The following PSME4 variants were observed in gnomAD, a reference collection of about 807,000 sequenced individuals.
The protein encoded by PSME4 is proteasome activator subunit 4.
In PSME4, 89 loss-of-function variants were observed where a neutral mutation model predicts 253.9. That is an observed-to-expected ratio of 0.35 (90% CI 0.30 to 0.42). The LOEUF is 0.42. Among genes scored for constraint, PSME4 ranks in the 10% least tolerant of loss-of-function variants. The pLI, the probability that PSME4 is intolerant of heterozygous loss-of-function variation, is 1.00. For missense variants in PSME4, 2,014 were observed against 2,195.2 expected, an observed-to-expected ratio of 0.92 and a Z score of 1.65; for synonymous variants, 851 against 759.2, an observed-to-expected ratio of 1.12 and a Z score of -1.99.
At chr2:53,887,163 T>A in intron 40 of PSME4, 96 bp downstream of exon 40, 1 of 1,104,632 alleles carries the variant, frequency 9.1e-7, no homozygotes, top group Non-Finnish European at 1.3e-6. Flanking sequence ...TTTCATTATG[T>A]CTATTTTACC....
chr2:53,873,238 C>CAAAAAAAAAAAAAAAAAAAAAA (rs60203960), intron 43 of PSME4, among the ~76,000 whole-genome samples: 9 of 123,160 alleles, frequency 7.3e-5, no homozygotes, highest in Non-Finnish European at 1.2e-4. Context: ...GACTCCGTCT[C>CAAAAAAAAAAAAAAAAAAAAAA]AAAAAAAAAG....
intron 3 of PSME4, among the ~76,000 whole-genome samples, chr2:53,945,219 T>C (rs1034697511): frequency 1.3e-5 from 2 of 152,252 alleles, no homozygotes; most frequent in African/African-American, 2.4e-5. Context: ...TTGCCTATAC[T>C]ATAACTTGCA....
At chr2:53,883,715 AC>A (rs1462770600) in intron 41 of PSME4, among the ~76,000 whole-genome samples, 2 of 150,336 alleles carry the variant, frequency 1.3e-5, no homozygotes. Flanking sequence ...CATCACCCTA[AC>A]CTGTGAATGT....
At chr2:53,893,043 C>A in intron 35 of PSME4, 83 bp from the exon 36 acceptor site, 1 of 1,318,472 alleles carries the variant, frequency 7.6e-7, no homozygotes, top group Non-Finnish European at 1.0e-6. Flanking sequence ...CTGTACATTA[C>A]TAACGTGCTT....
At position 53,896,815 on chromosome 2, in the gene PSME4, G is replaced by A. The variant is rs774206836; in HGVS notation, c.3677C>T (p.Pro1226Leu). 4.2e-5 allele frequency: 68 copies of A among 1,604,734 alleles called. No homozygotes were observed. Among genetic ancestry groups the A allele is most frequent in the Non-Finnish European group, 5.6e-5 (66 of 1,171,714 alleles). The stretch of plus-strand genomic sequence containing the variant: ...CTGGTAGTACTCACTGATTTCACAG[G>A]GGTTAATGGTCAGCTTTTTGTGGGT... The part of the protein sequence containing the change: ...KRTHKKLTIN[P>L]CEISGCPKPT... Residue 1226 changes from proline to leucine, a missense_variant, in exon 32 of 47, where the codon CCC (proline) becomes CTC (leucine). Around this residue, in one of 4 missense-constraint regions of PSME4, gnomAD observed 989 missense variants for 1,021.1 expected, o/e 0.97. Transcript: ENST00000404125.
chr2:53,886,327 T>G (rs1374182937), intron 40 of PSME4, among the ~76,000 whole-genome samples: 1 of 152,220 alleles, frequency 6.6e-6, no homozygotes, highest in Non-Finnish European at 1.5e-5. Flanking sequence ...GAGGATCTCT[T>G]GAGCCCCGGA....
At chr2:53,940,354 C>G (rs1669335439) in intron 3 of PSME4, among the ~76,000 whole-genome samples, 1 of 152,076 alleles carries the variant, frequency 6.6e-6, no homozygotes, top group African/African-American at 2.4e-5. Flanking sequence ...TACTAAAATA[C>G]TTTTACATCA....
chr2:53,950,237 G>A (rs1300094175), intron 1 of PSME4, among the ~76,000 whole-genome samples: 1 of 151,354 alleles, frequency 6.6e-6, no homozygotes, highest in Non-Finnish European at 1.5e-5. Flanking sequence ...CTGGGATGGC[G>A]CCACTATGCT....
At chr2:53,954,053 G>A (rs893153228) in intron 1 of PSME4, among the ~76,000 whole-genome samples, 1 of 151,446 alleles carries the variant, frequency 6.6e-6, no homozygotes, top group Non-Finnish European at 1.5e-5. Flanking sequence ...GGGCTGGCCG[G>A]GCGCGGTGGC....
intron 40 of PSME4, among the ~76,000 whole-genome samples, chr2:53,887,050 T>C (rs1256833221): frequency 6.6e-6 from 1 of 152,166 alleles, no homozygotes; most frequent in Non-Finnish European, 1.5e-5. Context: ...TTTCGTATGA[T>C]GAAGAGGATT....
At chr2:53,967,444 C>T (rs1670789986) in intron 1 of PSME4, among the ~76,000 whole-genome samples, 1 of 151,608 alleles carries the variant, frequency 6.6e-6, no homozygotes, top group Non-Finnish European at 1.5e-5. Context: ...GGGTTCGAGA[C>T]CAGCCTTGCC....
Position 53,896,856 on chromosome 2 carries a change from A to C in PSME4, c.3636T>G (p.Leu1212=), listed in dbSNP as rs1680160108. ...KMAISAVAGI[L]KQLKRTHKKL... is the part of the protein sequence containing the mutation. ...TTTTGTGGGTTCTTTTTAGCTGTTT[A>C]AGGATACCAGCAACAGCTGAGATAG... Residue 1212 remains leucine, a synonymous_variant, in exon 32 of 47, where the codon CTT becomes CTG. Coordinates refer to ENST00000404125, the MANE Select transcript of PSME4 (RefSeq NM_014614.3). The C allele has an allele frequency of 6.2e-7, 1 of 1,612,620 alleles. No individual in the cohort carries two copies. Among genetic ancestry groups the C allele is most frequent in the Non-Finnish European group, 8.5e-7 (1 of 1,178,684 alleles).
chr2:53,970,595 G>A lies in PSME4; in HGVS notation c.190C>T (p.Gln64Ter). ...QIKCNLGRAVQLQELWPGGLF... is the reference protein window; with the variant it reads ...QIKCNLGRAV ...CCCCCGGGCCACAGCTCTTGGAGCTGCACGGCCCGGCCCAGGTTGCATTTG... is the reference window on the plus strand; with the variant it reads ...CCCCCGGGCCACAGCTCTTGGAGCTACACGGCCCGGCCCAGGTTGCATTTG... The change falls in exon 1 of 47, where the codon CAG (glutamine) becomes TAG (stop). Residue 64 changes from glutamine (Q) to a stop codon, truncating the protein, a stop_gained. Coordinates refer to ENST00000404125, the MANE Select transcript of PSME4 (RefSeq NM_014614.3). LOFTEE classifies it high-confidence loss of function. The A allele has an allele frequency of 7.7e-6, 12 of 1,549,180 alleles. No homozygotes were observed. The highest frequency in any genetic ancestry group is 1.0e-5 in the Non-Finnish European group (12 of 1,146,864).
intron 26 of PSME4, among the ~76,000 whole-genome samples, chr2:53,906,390 T>C (rs927013128): frequency 2.0e-5 from 3 of 152,246 alleles, no homozygotes; most frequent in Admixed American, 1.3e-4. Flanking sequence ...CTGTTTTCTA[T>C]GCTAACATGA....
chr2:53,962,019 A>G (rs1468780625), intron 1 of PSME4, among the ~76,000 whole-genome samples: 12 of 152,232 alleles, frequency 7.9e-5, no homozygotes, highest in Non-Finnish European at 1.3e-4. Context: ...GCTGAGAAAG[A>G]TAAAAACACC....
chr2:53,960,862 C>T (rs746268722), intron 1 of PSME4, among the ~76,000 whole-genome samples: 40 of 152,208 alleles, frequency 2.6e-4, no homozygotes, highest in Non-Finnish European at 4.1e-4. Flanking sequence ...AATCCCAGCA[C>T]TCTGGGAGGC....
rs78288541 is a variant in PSME4, at chr2:53,873,249, A to G, written c.5100+1090T>C. 4.7e-4 allele frequency among the ~76,000 whole-genome samples: 67 copies of G among 141,586 alleles called. 1 individual carries two copies. The highest frequency in any genetic ancestry group is 1.5e-3 in the African/African-American group (61 of 39,576). The allele number at this position is 141,586 out of a possible 152,430, so 92.9% of individuals were successfully genotyped here. On this transcript the variant is annotated intron_variant, in intron 43 of 46. Coordinates refer to ENST00000404125, the MANE Select transcript of PSME4 (RefSeq NM_014614.3). ...GCGAGACTCCGTCTCAAAAAAAAAG[A>G]AAAAAAAAAACAGTTGTTATAACCA... is the stretch of plus-strand genomic sequence containing the variant.
At chr2:53,928,397 G>T in intron 10 of PSME4, 94 bp from the exon 11 acceptor site, 1 of 1,033,290 alleles carries the variant, frequency 9.7e-7, no homozygotes, top group Non-Finnish European at 1.4e-6. Flanking sequence ...ACTGCACTTT[G>T]ACTTAAAGGC....
At position 53,936,027 on chromosome 2, in the gene PSME4, G is replaced by A. The variant is rs569970786; in HGVS notation, c.834+60C>T. The A allele has an allele frequency of 8.3e-6, 13 of 1,558,362 alleles. No individual in the cohort carries two copies. The African/African-American group carries it at 1.4e-4, about 17-fold the overall frequency. ...TCCTGCCTCAGCCACCCGAGCAGCT[G>A]GGATTACAGGCGCCTACCACCCCAT... is the stretch of plus-strand genomic sequence containing the variant. On this transcript the variant is annotated intron_variant, in intron 7 of 46. Coordinates refer to ENST00000404125, the MANE Select transcript of PSME4 (RefSeq NM_014614.3).
Sources: gnomAD v4.1 joint callset for allele counts (sites outside exome capture counted in the v4.1 genomes callset) on GRCh38, gnomAD v4.1.1 for gene constraint, gnomAD v4.1.1 regional missense constraint, MANE v1.5 for transcripts, NCBI Gene and HGNC (gene_info 2026-07-23, HGNC 2026-07-21) for gene names.